The following SNTG1 variants were observed in gnomAD, a reference collection of about 807,000 sequenced individuals.
SNTG1 encodes the protein syntrophin gamma 1, also known as gamma-1-syntrophin.
SNTG1 carries 39 observed loss-of-function variants against 74.7 expected under a neutral mutation model. The observed-to-expected ratio is 0.52, with a 90% CI of 0.40 to 0.68. The LOEUF (loss-of-function observed/expected upper bound fraction) is 0.68. Among genes scored for constraint, SNTG1 ranks in the 30% least tolerant of loss-of-function variants. The probability of loss-of-function intolerance (pLI) is 0.00; values close to 1 mark genes in which losing one functional copy is unlikely to be tolerated. For synonymous variants in SNTG1, 254 were observed against 217.1 expected, an observed-to-expected ratio of 1.17 and a Z score of -1.49; for missense variants, 685 against 609.5, an observed-to-expected ratio of 1.12 and a Z score of -1.30.
At chr8:50,299,924 T>C (rs2089571558) in intron 2 of SNTG1, among the ~76,000 whole-genome samples, 1 of 152,172 alleles carries the variant, frequency 6.6e-6, no homozygotes. Flanking sequence ...ACTTTATCTT[T>C]CATAGCAGTA....
intron 1 of SNTG1, among the ~76,000 whole-genome samples, chr8:50,140,883 A>C (rs2081635917): frequency 6.6e-6 from 1 of 152,172 alleles, no homozygotes; most frequent in Non-Finnish European, 1.5e-5. Flanking sequence ...CATTGGTTCC[A>C]TTATAAAGAA....
chr8:49,920,949 C>T (rs868067023), intron 1 of SNTG1, among the ~76,000 whole-genome samples: 3 of 152,040 alleles, frequency 2.0e-5, no homozygotes, highest in South Asian at 4.1e-4. Flanking sequence ...TAAATGCTCA[C>T]ATATGTAAGT....
intron 2 of SNTG1, among the ~76,000 whole-genome samples, chr8:50,337,319 C>G (rs189744040): frequency 9.3e-4 from 142 of 152,284 alleles, no homozygotes; most frequent in Non-Finnish European, 1.7e-3. Flanking sequence ...GAAACTTAAA[C>G]TATAACTGAT....
At chr8:50,521,108 T>C (rs1274553896) in intron 9 of SNTG1, among the ~76,000 whole-genome samples, 1 of 152,220 alleles carries the variant, frequency 6.6e-6, no homozygotes, top group East Asian at 1.9e-4. Context: ...AATGAGTTCA[T>C]GTTCTTTGCA....
At chr8:50,705,632 C>T (rs1469721030) in intron 16 of SNTG1, among the ~76,000 whole-genome samples, 2 of 151,866 alleles carry the variant, frequency 1.3e-5, no homozygotes, top group African/African-American at 2.4e-5. Context: ...CTTGTTATTC[C>T]CTGCACTAAA....
rs528799494 is a variant in SNTG1 at position 50,435,228 on chromosome 8, C to A, written c.163-3315C>A. 8.6e-4 allele frequency among the ~76,000 whole-genome samples: 130 copies of A among 151,788 alleles called. 1 individual carries two copies. Among genetic ancestry groups the A allele is most frequent in the African/African-American group, 3.0e-3 (126 of 41,392 alleles). ...GGCTCAATCCTTTGCATTTTTGTAACGAAAAAGAAGATTAAATAAAGGCAT... is the reference window on the plus strand; with the variant it reads ...GGCTCAATCCTTTGCATTTTTGTAAAGAAAAAGAAGATTAAATAAAGGCAT... On this transcript the variant is annotated intron_variant, in intron 4 of 18. Transcript: ENST00000642720.
chr8:50,696,489 T>C (rs560233750), intron 15 of SNTG1, among the ~76,000 whole-genome samples: 3 of 152,110 alleles, frequency 2.0e-5, no homozygotes, highest in African/African-American at 4.8e-5. Flanking sequence ...CTATGTTTGC[T>C]TTGAGGACTT....
At chr8:50,292,616 T>G (rs1450901199) in intron 2 of SNTG1, among the ~76,000 whole-genome samples, 1 of 152,036 alleles carries the variant, frequency 6.6e-6, no homozygotes, top group Non-Finnish European at 1.5e-5. Flanking sequence ...CAAAGGCATG[T>G]GAAAGACAAT....
At chr8:50,126,132 A>C (rs2081130945) in intron 1 of SNTG1, among the ~76,000 whole-genome samples, 1 of 152,124 alleles carries the variant, frequency 6.6e-6, no homozygotes, top group Non-Finnish European at 1.5e-5. Flanking sequence ...GAAGTGAAAA[A>C]GAGTCATAGA....
At chr8:50,735,658 G>C (rs1253482571) in intron 17 of SNTG1, among the ~76,000 whole-genome samples, 1 of 152,012 alleles carries the variant, frequency 6.6e-6, no homozygotes, top group Non-Finnish European at 1.5e-5. Flanking sequence ...TGGTGTACCA[G>C]AAAGTGATGG....
rs187885696 is a variant in SNTG1 at position 50,662,585 on chromosome 8, T to C, written c.1038+3922T>C. On this transcript the variant is annotated intron_variant, in intron 15 of 18. Coordinates refer to ENST00000642720, the MANE Select transcript of SNTG1 (RefSeq NM_018967.5). ...AGCTAAAGATATGAATCTTGCAATG[T>C]GTCAAAATTCTGTGCTCTTGCACAT... is the stretch of plus-strand genomic sequence containing the variant. 1.4e-3 allele frequency among the ~76,000 whole-genome samples: 207 copies of C among 152,292 alleles called. 2 individuals carry two copies. Among genetic ancestry groups the C allele is most frequent in the Middle Eastern group, 0.01 (3 of 294 alleles).
intron 1 of SNTG1, among the ~76,000 whole-genome samples, chr8:50,022,361 C>G (rs118038163): frequency 1.3e-5 from 2 of 152,208 alleles, no homozygotes; most frequent in East Asian, 3.9e-4. Context: ...AAGGATCCAG[C>G]AAGGCTTGAG....
chr8:49,994,954 A>G (rs1422006765), intron 1 of SNTG1, among the ~76,000 whole-genome samples: 2 of 152,172 alleles, frequency 1.3e-5, no homozygotes, highest in African/African-American at 2.4e-5. Context: ...TGTAAGTGCT[A>G]GGAAAAAGGT....
At chr8:50,752,926 C>A (rs938496695) in intron 18 of SNTG1, among the ~76,000 whole-genome samples, 2 of 151,928 alleles carry the variant, frequency 1.3e-5, no homozygotes, top group African/African-American at 2.4e-5. Context: ...GAGTATCTCT[C>A]GAGATGTCCC....
At chr8:50,104,823 A>C (rs1384891235) in intron 1 of SNTG1, among the ~76,000 whole-genome samples, 5 of 151,976 alleles carry the variant, frequency 3.3e-5, no homozygotes, top group South Asian at 2.1e-4. Context: ...GCTTCTGGCC[A>C]TGTGTATGTC....
chr8:50,368,444 C>A (rs1015949113), intron 2 of SNTG1, among the ~76,000 whole-genome samples: 3 of 152,116 alleles, frequency 2.0e-5, no homozygotes, highest in African/African-American at 7.2e-5. Context: ...CTCAGCTTAT[C>A]TATAATGCAA....
At chr8:49,953,125 G>A (rs1373439205) in intron 1 of SNTG1, among the ~76,000 whole-genome samples, 1 of 152,186 alleles carries the variant, frequency 6.6e-6, no homozygotes, top group Non-Finnish European at 1.5e-5. Flanking sequence ...ATCATCAAGA[G>A]TGACAAGAAG....
chr8:50,701,618 C>CTTCTTCTTCTTCTTCTT (rs201341360), intron 15 of SNTG1, among the ~76,000 whole-genome samples: 5,276 of 136,940 alleles, frequency 0.039, 170 homozygotes, highest in Middle Eastern at 0.065. Context: ...TCTTCTTCTT[C>CTTCTTCTTCTTCTTCTT]GTGTTCCTCT....
intron 2 of SNTG1, among the ~76,000 whole-genome samples, chr8:50,242,947 T>C (rs1042175091): frequency 2.0e-5 from 3 of 152,074 alleles, no homozygotes; most frequent in Non-Finnish European, 4.4e-5. Flanking sequence ...CTTTGATTCA[T>C]GCAGGACTTA....
Sources: allele counts gnomAD v4.1 joint callset (sites outside exome capture counted in the v4.1 genomes callset), GRCh38; gene constraint gnomAD v4.1.1; transcripts MANE v1.5; gene names NCBI Gene and HGNC (gene_info 2026-07-23, HGNC 2026-07-21).